NOS1AP: variants seen among roughly 807,000 people sequenced by gnomAD.
NOS1AP encodes carboxyl-terminal PDZ ligand of neuronal nitric oxide synthase protein.
Under a neutral mutation model 56.2 loss-of-function variants are expected in NOS1AP, and 21 were observed. The ratio of observed to expected loss-of-function variants is 0.37; its 90% CI spans 0.26 to 0.54. The LOEUF (loss-of-function observed/expected upper bound fraction) is 0.54, where lower values mean the gene tolerates loss of function less well. Among genes scored for constraint, NOS1AP ranks in the 20% least tolerant of loss-of-function variants. The pLI is 0.84. For missense variants in NOS1AP, 522 were observed against 657.8 expected, an observed-to-expected ratio of 0.79 and a Z score of 2.26; for synonymous variants, 270 against 274.6, an observed-to-expected ratio of 0.98 and a Z score of 0.17.
chr1:162,286,892 T>A (rs1415222655), intron 2 of NOS1AP, among the ~76,000 whole-genome samples: 1 of 152,144 alleles, frequency 6.6e-6, no homozygotes, highest in Non-Finnish European at 1.5e-5. Flanking sequence ...TAATTGAGAA[T>A]TCATAATTAT....
chr1:162,224,859 C>T (rs918314606), intron 2 of NOS1AP, among the ~76,000 whole-genome samples: 1 of 152,192 alleles, frequency 6.6e-6, no homozygotes, highest in Non-Finnish European at 1.5e-5. Flanking sequence ...CTGAGGGTCA[C>T]TGCCTTATCA....
Position 162,221,228 on chromosome 1 carries a change from C to T in NOS1AP, c.178-66116C>T, listed in dbSNP as rs145164947. Among the ~76,000 whole-genome samples, 18 of 152,320 alleles carry T rather than the reference C, an allele frequency of 1.2e-4. No individual in the cohort carries two copies. In the South Asian group the frequency reaches 1.9e-3, roughly 16 times the overall value. On this transcript the variant is annotated intron_variant, in intron 2 of 9. Coordinates refer to ENST00000361897, the MANE Select transcript of NOS1AP (RefSeq NM_014697.3). ...TGCTGGGATTAAAGGCGTGAGCCAC[C>T]GCGCCCAGCCCACACACTATTTTTA...
At chr1:162,140,441 C>G (rs899749108) in intron 1 of NOS1AP, among the ~76,000 whole-genome samples, 12 of 152,186 alleles carry the variant, frequency 7.9e-5, no homozygotes, top group African/African-American at 2.9e-4. Flanking sequence ...GGAAAATGGC[C>G]TCCATCTGCA....
chr1:162,256,719 C>T (rs1654042094), intron 2 of NOS1AP, among the ~76,000 whole-genome samples: 1 of 152,126 alleles, frequency 6.6e-6, no homozygotes, highest in Non-Finnish European at 1.5e-5. Flanking sequence ...TATGAAGTAA[C>T]GGGGTCTCCT....
intron 2 of NOS1AP, among the ~76,000 whole-genome samples, chr1:162,191,046 G>C (rs1000271393): frequency 6.6e-6 from 1 of 152,090 alleles, no homozygotes; most frequent in African/African-American, 2.4e-5. Flanking sequence ...TGAATGGGCA[G>C]GGGCCCTGTG....
At position 162,070,291 on chromosome 1, in the gene NOS1AP, G is replaced by T. The variant is rs765842793; in HGVS notation, c.105+9G>T. The T allele has an allele frequency of 1.3e-5, 21 of 1,603,898 alleles. No homozygotes were observed. The highest frequency in any genetic ancestry group is 5.4e-5 in the African/African-American group (4 of 74,726). On this transcript the variant is annotated intron_variant, in intron 1 of 9. Transcript: ENST00000361897. ...TCTGCTTTGAGGCCAAGGTGAGGGG[G>T]CTCCGGGGAGGGTGCTACCTGTGGT...
chr1:162,081,644 C>T (rs1244049438), intron 1 of NOS1AP, among the ~76,000 whole-genome samples: 1 of 148,832 alleles, frequency 6.7e-6, no homozygotes, highest in Non-Finnish European at 1.5e-5. Context: ...CCTCCTGGGG[C>T]TCAGGTGATC....
In NOS1AP at chr1:162,365,401, C is replaced by A; in HGVS notation, c.940-3C>A. The A allele has an allele frequency of 6.2e-7, 1 of 1,614,138 alleles. No homozygotes were observed. Among genetic ancestry groups the A allele is most frequent in the Non-Finnish European group, 8.5e-7 (1 of 1,180,054 alleles). ...CTTCTCTGCCGCTGCCTCTTCTCTG[C>A]AGGTACACTTGCTGAAGGACCAGTT... On this transcript the variant is annotated splice_region_variant and splice_polypyrimidine_tract_variant and intron_variant, in intron 8 of 9. Coordinates refer to ENST00000361897, the MANE Select transcript of NOS1AP (RefSeq NM_014697.3).
At chr1:162,204,695 T>A (rs1652105161) in intron 2 of NOS1AP, among the ~76,000 whole-genome samples, 1 of 152,242 alleles carries the variant, frequency 6.6e-6, no homozygotes, top group Non-Finnish European at 1.5e-5. Context: ...GTGCAGCTGC[T>A]GCCAGCTGTT....
intron 4 of NOS1AP, among the ~76,000 whole-genome samples, chr1:162,304,790 G>GTA (rs1357612913): frequency 1.3e-5 from 2 of 151,468 alleles, no homozygotes; most frequent in African/African-American, 2.4e-5. Flanking sequence ...CTGTGTGTGT[G>GTA]TGTGTGTGTG....
At chr1:162,121,197 A>G (rs947150515) in intron 1 of NOS1AP, among the ~76,000 whole-genome samples, 3 of 150,172 alleles carry the variant, frequency 2.0e-5, no homozygotes, top group Non-Finnish European at 4.4e-5. Flanking sequence ...TGGAGACAAA[A>G]TCTCGCTCTG....
At chr1:162,237,777 G>T (rs1349935041) in intron 2 of NOS1AP, among the ~76,000 whole-genome samples, 1 of 152,234 alleles carries the variant, frequency 6.6e-6, no homozygotes, top group African/African-American at 2.4e-5. Context: ...CGGGGACAGT[G>T]TTAGCTATGT....
intron 2 of NOS1AP, among the ~76,000 whole-genome samples, chr1:162,245,477 T>TA (rs1200172720): frequency 1.3e-5 from 2 of 152,216 alleles, no homozygotes; most frequent in Non-Finnish European, 2.9e-5. Flanking sequence ...GGTAATGTCT[T>TA]AAAATGTTAA....
chr1:162,360,605 C>T (rs1253527663), intron 8 of NOS1AP: 1 of 351,436 alleles, frequency 2.8e-6, no homozygotes, highest in Non-Finnish European at 5.6e-6. Context: ...TGTTCAGGAA[C>T]AAGGAATTGG....
At chr1:162,241,340 A>G (rs780852003) in intron 2 of NOS1AP, among the ~76,000 whole-genome samples, 2 of 152,252 alleles carry the variant, frequency 1.3e-5, no homozygotes, top group African/African-American at 2.4e-5. Flanking sequence ...AGGAAGTTGC[A>G]TACGGAACAG....
intron 1 of NOS1AP, among the ~76,000 whole-genome samples, chr1:162,136,571 T>C (rs1649013987): frequency 6.6e-6 from 1 of 152,240 alleles, no homozygotes. Context: ...GCTGGTATGA[T>C]ACCCTGGGCT....
intron 2 of NOS1AP, among the ~76,000 whole-genome samples, chr1:162,162,914 G>C (rs1571081826): frequency 6.6e-6 from 1 of 151,704 alleles, no homozygotes; most frequent in Non-Finnish European, 1.5e-5. Flanking sequence ...ACATGTTTGG[G>C]GCGCGAACCC....
At chr1:162,105,989 C>A (rs1488496714) in intron 1 of NOS1AP, among the ~76,000 whole-genome samples, 1 of 152,326 alleles carries the variant, frequency 6.6e-6, no homozygotes, top group Admixed American at 6.5e-5. Flanking sequence ...TCCCACCTTG[C>A]CATGGATGCC....
intron 6 of NOS1AP, among the ~76,000 whole-genome samples, chr1:162,350,715 G>A (rs79956922): frequency 0.064 from 9,765 of 152,268 alleles, 436 homozygotes; most frequent in South Asian, 0.16. Flanking sequence ...TTGTGAATAT[G>A]ATATTATTAA....
Sources: allele counts gnomAD v4.1 joint callset (sites outside exome capture counted in the v4.1 genomes callset), GRCh38; gene constraint gnomAD v4.1.1; transcripts MANE v1.5; gene names NCBI Gene and HGNC (gene_info 2026-07-23, HGNC 2026-07-21).